Variants in SYN3 observed in about 807,000 individuals in gnomAD.
SYN3 encodes the protein synapsin-3.
SYN3 carries 35 observed loss-of-function variants against 65.8 expected under a neutral mutation model. That is an observed-to-expected ratio of 0.53 (90% CI 0.41 to 0.70). The LOEUF (loss-of-function observed/expected upper bound fraction) is 0.70. Ranked by LOEUF, SYN3 falls within the 30% of genes least tolerant of loss-of-function variation. The pLI is 0.00. For synonymous variants in SYN3, 270 were observed against 292.9 expected (o/e 0.92, Z 0.80); for missense variants, 680 against 749.0 (o/e 0.91, Z 1.08).
At chr22:32,876,119 G>A (rs904252292) in intron 4 of SYN3, among the ~76,000 whole-genome samples, 2 of 152,114 alleles carry the variant, frequency 1.3e-5, no homozygotes, top group Non-Finnish European at 2.9e-5. Flanking sequence ...CTCACATTCT[G>A]GAGGCTGGGA....
chr22:32,601,379 G>A (rs1000916620), intron 6 of SYN3, among the ~76,000 whole-genome samples: 4 of 151,714 alleles, frequency 2.6e-5, no homozygotes, highest in Non-Finnish European at 2.9e-5. Context: ...CTGGGTTCAC[G>A]CCATTCTCCT....
intron 6 of SYN3, among the ~76,000 whole-genome samples, chr22:32,751,548 C>G (rs1431041093): frequency 6.6e-6 from 1 of 152,146 alleles, no homozygotes; most frequent in Non-Finnish European, 1.5e-5. Flanking sequence ...GCGTACAGGC[C>G]TCTGTGGGTG....
chr22:32,916,900 C>A (rs946731994), intron 4 of SYN3, among the ~76,000 whole-genome samples: 1 of 152,156 alleles, frequency 6.6e-6, no homozygotes, highest in Non-Finnish European at 1.5e-5. Flanking sequence ...GTAAATGGAG[C>A]ACTCCATCCC....
At chr22:32,902,109 A>C (rs1233717470) in intron 4 of SYN3, among the ~76,000 whole-genome samples, 1 of 152,230 alleles carries the variant, frequency 6.6e-6, no homozygotes, top group Non-Finnish European at 1.5e-5. Flanking sequence ...ATGGAAAGGA[A>C]GTGGAGGCAC....
intron 6 of SYN3, among the ~76,000 whole-genome samples, chr22:32,847,200 G>A (rs1056418963): frequency 6.6e-6 from 1 of 152,170 alleles, no homozygotes; most frequent in Non-Finnish European, 1.5e-5. Flanking sequence ...GCCTCTGCAC[G>A]GAGGTGAAGC....
At chr22:32,997,146 A>C (rs1016502803) in intron 2 of SYN3, among the ~76,000 whole-genome samples, 1 of 152,220 alleles carries the variant, frequency 6.6e-6, no homozygotes, top group Non-Finnish European at 1.5e-5. Context: ...AGATGTCAGT[A>C]GCATTTGCTT....
chr22:32,984,770 C>T (rs1469539931), intron 2 of SYN3, among the ~76,000 whole-genome samples: 1 of 152,092 alleles, frequency 6.6e-6, no homozygotes, highest in Non-Finnish European at 1.5e-5. Flanking sequence ...AAAAGAAGTA[C>T]TGGGTGGGCC....
intron 6 of SYN3, among the ~76,000 whole-genome samples, chr22:32,643,831 C>T (rs1413388131): frequency 1.3e-5 from 2 of 151,772 alleles, no homozygotes; most frequent in Admixed American, 1.3e-4. Context: ...GTGGCTCACA[C>T]CTGTAATCCC....
At chr22:32,623,862 G>A (rs1443588461) in intron 6 of SYN3, among the ~76,000 whole-genome samples, 2 of 152,166 alleles carry the variant, frequency 1.3e-5, no homozygotes, top group Non-Finnish European at 2.9e-5. Context: ...GAGTGCCGAG[G>A]TGTCCCCTCC....
At chr22:32,818,701 C>T (rs994726911) in intron 6 of SYN3, among the ~76,000 whole-genome samples, 3 of 152,192 alleles carry the variant, frequency 2.0e-5, no homozygotes, top group African/African-American at 7.2e-5. Flanking sequence ...GCACCATTAA[C>T]TGCAGTCAGA....
chr22:33,034,079 G>A (rs537063321), intron 1 of SYN3, among the ~76,000 whole-genome samples: 8 of 151,340 alleles, frequency 5.3e-5, no homozygotes, highest in South Asian at 2.1e-4. Context: ...CCAGCTACTC[G>A]GGAGGCTGAG....
intron 1 of SYN3, among the ~76,000 whole-genome samples, chr22:33,037,779 C>T (rs999972456): frequency 1.3e-5 from 2 of 152,190 alleles, no homozygotes; most frequent in Non-Finnish European, 2.9e-5. Context: ...CCCACAGTGT[C>T]TGAGCTCCTC....
intron 6 of SYN3, among the ~76,000 whole-genome samples, chr22:32,852,414 C>T (rs565782711): frequency 7.2e-5 from 11 of 152,164 alleles, no homozygotes; most frequent in African/African-American, 2.7e-4. Context: ...CTTGTAATAT[C>T]CTGCAAAGGG....
At position 32,510,875 on chromosome 22, in the gene SYN3, G is replaced by A. The variant is rs2057683099; in HGVS notation, c.*2817C>T. On this transcript the variant is annotated 3_prime_UTR_variant, in exon 14 of 14. Transcript: ENST00000358763. ...GTGATCCCTATCTTCTTGGGGGCAA[G>A]TGGGGAAGCCATTCTCCTCTTGAAG... 1.3e-5 allele frequency among the ~76,000 whole-genome samples: 2 copies of A among 151,970 alleles called. No homozygotes were observed. Among genetic ancestry groups the A allele is most frequent in the Admixed American group, 1.3e-4 (2 of 15,270 alleles).
rs1302674751 is a variant in SYN3, at chr22:32,511,943, A to G, written c.*1749T>C. Among the ~76,000 whole-genome samples the G allele has an allele frequency of 2.0e-5, 3 of 152,190 alleles. No individual in the cohort carries two copies. Among genetic ancestry groups the G allele is most frequent in the Non-Finnish European group, 4.4e-5 (3 of 68,030 alleles). ...GGGCAATGTGAAGAGGACTGTCCTA[A>G]AGGCCAAGTGGCTTTCTGGCAGCCA... On this transcript the variant is annotated 3_prime_UTR_variant, in exon 14 of 14. Coordinates refer to ENST00000358763, the MANE Select transcript of SYN3 (RefSeq NM_003490.4).
chr22:32,950,058 G>A (rs546696994), intron 3 of SYN3, among the ~76,000 whole-genome samples: 66 of 152,306 alleles, frequency 4.3e-4, no homozygotes, highest in South Asian at 2.9e-3. Flanking sequence ...CTGTCAGTTG[G>A]TGAAGAAGTA....
intron 3 of SYN3, among the ~76,000 whole-genome samples, chr22:32,939,576 G>C (rs970352646): frequency 1.3e-5 from 2 of 152,126 alleles, no homozygotes; most frequent in Admixed American, 6.5e-5. Context: ...TCATAGATTA[G>C]TTTTACATGT....
Position 32,985,723 on chromosome 22 carries a change from T to C in SYN3, c.312-5021A>G, listed in dbSNP as rs953704438. Reference sequence around the variant, plus strand: ...GGACCCTGCTGACTGGGGGTCTGCTTCCCCTCCAGTTTGCTGTCTATTTCA... The same window carrying C: ...GGACCCTGCTGACTGGGGGTCTGCTCCCCCTCCAGTTTGCTGTCTATTTCA... On this transcript the variant is annotated intron_variant, in intron 2 of 13. Coordinates refer to ENST00000358763, the MANE Select transcript of SYN3 (RefSeq NM_003490.4). Among the ~76,000 whole-genome samples, 5 of 152,108 alleles carry C rather than the reference T, an allele frequency of 3.3e-5. 1 individual carries two copies. Among genetic ancestry groups the C allele is most frequent in the African/African-American group, 1.2e-4 (5 of 41,420 alleles).
At chr22:32,854,773 C>A (rs1457171567) in intron 6 of SYN3, among the ~76,000 whole-genome samples, 1 of 152,184 alleles carries the variant, frequency 6.6e-6, no homozygotes. Context: ...GGCTGCGTTA[C>A]CGTGCTCAGT....
Sources: gnomAD v4.1 joint callset for allele counts (sites outside exome capture counted in the v4.1 genomes callset) on GRCh38, gnomAD v4.1.1 for gene constraint, MANE v1.5 for transcripts, NCBI Gene and HGNC (gene_info 2026-07-23, HGNC 2026-07-21) for gene names.